Variants in FAM114A1 observed in about 807,000 individuals in gnomAD.
FAM114A1 encodes family with sequence similarity 114 member A1.
In FAM114A1, 62 loss-of-function variants were observed where a neutral mutation model predicts 64.3. The ratio of observed to expected loss-of-function variants is 0.96; its 90% CI spans 0.79 to 1.19. The LOEUF (loss-of-function observed/expected upper bound fraction) is 1.19. Ranked by LOEUF, FAM114A1 falls within the 50% of genes most tolerant of loss-of-function variation. The probability of loss-of-function intolerance (pLI) is 0.00; values close to 1 mark genes in which losing one functional copy is unlikely to be tolerated. For synonymous variants in FAM114A1, 254 were observed against 251.1 expected, an observed-to-expected ratio of 1.01 and a Z score of -0.11; for missense variants, 645 against 676.3, an observed-to-expected ratio of 0.95 and a Z score of 0.51.
chr4:38,876,477 T>TG (rs1714654973), intron 2 of FAM114A1, among the ~76,000 whole-genome samples: 1 of 152,108 alleles, frequency 6.6e-6, no homozygotes. Flanking sequence ...TGCCTTCCTA[T>TG]GCTTATTCTC....
chr4:38,922,475 T>TACC lies in FAM114A1; in HGVS notation c.946-287_946-285dup, dbSNP rs370121807. On this transcript the variant is annotated intron_variant, in intron 8 of 14. Coordinates refer to ENST00000358869, the MANE Select transcript of FAM114A1 (RefSeq NM_138389.4). ...TTTTTAACCACTGTGATAGAAGAGCTACCACCACCATTTATGCAGCACATA... is the reference window on the plus strand; with the variant it reads ...TTTTTAACCACTGTGATAGAAGAGCTACCACCACCACCATTTATGCAGCACATA... Among the ~76,000 whole-genome samples, 355 of 152,328 alleles carry TACC rather than the reference T, an allele frequency of 2.3e-3. 2 individuals carry two copies. Among genetic ancestry groups the TACC allele is most frequent in the African/African-American group, 8.3e-3 (344 of 41,572 alleles).
chr4:38,939,575 A>T (rs1393843939), intron 13 of FAM114A1, among the ~76,000 whole-genome samples: 1 of 152,224 alleles, frequency 6.6e-6, no homozygotes, highest in Admixed American at 6.5e-5. Context: ...CTGGGTTTTT[A>T]AAGAGGTTTC....
intron 3 of FAM114A1, among the ~76,000 whole-genome samples, chr4:38,891,440 A>T (rs1716374944): frequency 6.6e-6 from 1 of 152,070 alleles, no homozygotes; most frequent in Non-Finnish European, 1.5e-5. Context: ...TCTTTTTCCC[A>T]TGCAGCCTTT....
chr4:38,932,453 C>T, intron 12 of FAM114A1, 79 bp downstream of exon 12: 2 of 1,355,460 alleles, frequency 1.5e-6, no homozygotes, highest in Admixed American at 2.8e-5. Flanking sequence ...TACACACCCA[C>T]ACCCTCTAAG....
rs1718238797 is a variant in FAM114A1 at position 38,908,593 on chromosome 4, G to A, written c.659G>A (p.Gly220Asp). 1.9e-6 allele frequency: 3 copies of A among 1,610,046 alleles called. No homozygotes were observed. Among genetic ancestry groups the A allele is most frequent in the Non-Finnish European group, 2.5e-6 (3 of 1,176,804 alleles). Residue 220 changes from glycine (G) to aspartate (D), a missense_variant and splice_region_variant, in exon 7 of 15, where the codon GGT becomes GAT. Gly to Asp is a moderately conservative substitution (Grantham distance 94). Coordinates refer to ENST00000358869, the MANE Select transcript of FAM114A1 (RefSeq NM_138389.4). ...SAITNVVQNT[G>D]KSVLTGGLDA... The stretch of plus-strand genomic sequence containing the variant: ...CTCATGCAGTTATCTCATCTGCAGG[G>A]TAAAAGTGTCTTAACTGGAGGCCTT...
At chr4:38,943,142 A>G (rs113599220) in intron 14 of FAM114A1, among the ~76,000 whole-genome samples, 2,388 of 151,306 alleles carry the variant, frequency 0.016, 26 homozygotes, top group East Asian at 0.049. Flanking sequence ...GCAGTGAGCC[A>G]AGATCGTGCC....
At chr4:38,912,684 C>T (rs1238423958) in intron 7 of FAM114A1, among the ~76,000 whole-genome samples, 3 of 152,108 alleles carry the variant, frequency 2.0e-5, no homozygotes, top group Admixed American at 6.5e-5. Flanking sequence ...GCCTGGCCTA[C>T]TCCCCAGTTT....
At chr4:38,870,243 G>A (rs1713904642) in intron 2 of FAM114A1, among the ~76,000 whole-genome samples, 1 of 152,136 alleles carries the variant, frequency 6.6e-6, no homozygotes, top group Non-Finnish European at 1.5e-5. Flanking sequence ...ACAGTCCATC[G>A]CTGATGCTTG....
intron 8 of FAM114A1, among the ~76,000 whole-genome samples, chr4:38,918,063 A>C (rs929814177): frequency 2.6e-5 from 4 of 151,932 alleles, no homozygotes; most frequent in African/African-American, 9.7e-5. Context: ...CTAAAAAAAA[A>C]AAAATACAAA....
rs1355232682 is a variant in FAM114A1 at position 38,929,661 on chromosome 4, C to A, written c.1161+328C>A. ...GTGCGGTGGCGCATGCCTGTAATCC[C>A]AGCTACTCGGGAGACTGAGGCAAGA... On this transcript the variant is annotated intron_variant, in intron 10 of 14. Coordinates refer to ENST00000358869, the MANE Select transcript of FAM114A1 (RefSeq NM_138389.4). 3.9e-5 allele frequency among the ~76,000 whole-genome samples: 6 copies of A among 152,200 alleles called. No homozygotes were observed. In the South Asian group the frequency reaches 6.2e-4, roughly 16 times the overall value.
chr4:38,878,463 T>A (rs1245054062), intron 3 of FAM114A1, 37 bp downstream of exon 3: 1 of 1,532,162 alleles, frequency 6.5e-7, no homozygotes. Context: ...CGGCCTAAGT[T>A]CTTGCTTATA....
intron 8 of FAM114A1, among the ~76,000 whole-genome samples, chr4:38,918,939 G>C (rs1346213292): frequency 6.6e-6 from 1 of 152,182 alleles, no homozygotes; most frequent in Non-Finnish European, 1.5e-5. Context: ...ATCACCTGAA[G>C]GCCAGGAGTT....
chr4:38,909,622 C>A (rs1171005051), intron 7 of FAM114A1, among the ~76,000 whole-genome samples: 2 of 152,192 alleles, frequency 1.3e-5, no homozygotes, highest in Non-Finnish European at 2.9e-5. Flanking sequence ...ACCCCACAAT[C>A]CAGGCATGCC....
At chr4:38,936,433 AT>A (rs886884184) in intron 13 of FAM114A1, among the ~76,000 whole-genome samples, 3 of 149,308 alleles carry the variant, frequency 2.0e-5, no homozygotes, top group African/African-American at 7.4e-5. Context: ...GGTTCCTTTT[AT>A]TACTTAATAT....
intron 4 of FAM114A1, among the ~76,000 whole-genome samples, chr4:38,898,656 ACTT>A (rs1717189397): frequency 6.6e-6 from 1 of 152,150 alleles, no homozygotes; most frequent in Admixed American, 6.6e-5. Flanking sequence ...GTTCAGTAAC[ACTT>A]CTTGTCTATT....
At chr4:38,868,052 C>A (rs748728570) in intron 1 of FAM114A1, 1 of 423,572 alleles carries the variant, frequency 2.4e-6, no homozygotes. Flanking sequence ...TGGGTGCGGG[C>A]GTGTGAGTGT....
At position 38,891,119 on chromosome 4, in the gene FAM114A1, C is replaced by T. The variant is rs367591595; in HGVS notation, c.349-624C>T. Among the ~76,000 whole-genome samples the T allele has an allele frequency of 9.4e-4, 143 of 152,276 alleles. 3 individuals carry two copies. The South Asian group carries it at 0.028, about 30-fold the overall frequency. ...TTCCAATTCCAAAAACCTAGGCAAACGAATTGGAATCCACTGAGGTCAGGG... is the reference window on the plus strand; with the variant it reads ...TTCCAATTCCAAAAACCTAGGCAAATGAATTGGAATCCACTGAGGTCAGGG... On this transcript the variant is annotated intron_variant, in intron 3 of 14. Transcript: ENST00000358869.
At position 38,915,007 on chromosome 4, in the gene FAM114A1, T is replaced by G. The variant is rs1166605860; in HGVS notation, c.879T>G (p.Phe293Leu). Residue 293 changes from phenylalanine to leucine, a missense_variant, in exon 8 of 15, where the codon TTT becomes TTG. Coordinates refer to ENST00000358869, the MANE Select transcript of FAM114A1 (RefSeq NM_138389.4). The part of the protein sequence containing the change: ...MERTAHYGML[F>L]DEYQGLSHLE... ...GAACCGCGCACTACGGGATGCTGTT[T>G]GATGAATATCAAGGCTTGTCACACC... 1 of 1,614,196 alleles carries G rather than the reference T, an allele frequency of 6.2e-7. No homozygotes were observed. Among genetic ancestry groups the G allele is most frequent in the Admixed American group, 1.7e-5 (1 of 60,024 alleles).
At chr4:38,928,049 C>T (rs113670700) in intron 9 of FAM114A1, among the ~76,000 whole-genome samples, 3 of 152,184 alleles carry the variant, frequency 2.0e-5, no homozygotes, top group Admixed American at 1.3e-4. Flanking sequence ...TAATAATAAG[C>T]GGATCTAAGC....
Sources: gnomAD v4.1 joint callset for allele counts (sites outside exome capture counted in the v4.1 genomes callset) on GRCh38, gnomAD v4.1.1 for gene constraint, MANE v1.5 for transcripts, NCBI Gene and HGNC (gene_info 2026-07-23, HGNC 2026-07-21) for gene names.